ACTN1: variants seen among roughly 807,000 people sequenced by gnomAD.
ACTN1 encodes the protein alpha-actinin-1.
A neutral mutation model predicts 119.6 loss-of-function variants in ACTN1; 30 were observed. The ratio of observed to expected loss-of-function variants is 0.25; its 90% confidence interval spans 0.19 to 0.34. ACTN1 has a LOEUF of 0.34. Ranked by LOEUF, ACTN1 falls within the 10% of genes least tolerant of loss-of-function variation. ACTN1 has a pLI of 1.00. For synonymous variants in ACTN1, 429 were observed against 472.6 expected, an observed-to-expected ratio of 0.91 and a Z score of 1.20; for missense variants, 764 against 1,223.4, an observed-to-expected ratio of 0.62 and a Z score of 5.60.
intron 3 of ACTN1, among the ~76,000 whole-genome samples, chr14:68,917,497 C>T (rs2034367082): frequency 6.6e-6 from 1 of 152,230 alleles, no homozygotes; most frequent in Non-Finnish European, 1.5e-5. Flanking sequence ...GGACAACCTG[C>T]AACGTTCCCC....
intron 1 of ACTN1, among the ~76,000 whole-genome samples, chr14:68,977,103 C>A (rs555212769): frequency 6.6e-6 from 1 of 152,322 alleles, no homozygotes; most frequent in South Asian, 2.1e-4. Context: ...CTGCCCCTCC[C>A]AGGCACAAAG....
rs1411817101 is a variant in ACTN1 at position 68,882,851 on chromosome 14, C to T, written c.1818+22G>A. 5.0e-6 allele frequency: 8 copies of T among 1,608,830 alleles called. No homozygotes were observed. The highest frequency in any genetic ancestry group is 1.7e-4 in the Middle Eastern group (1 of 6,048). On this transcript the variant is annotated intron_variant, in intron 15 of 21. Coordinates refer to ENST00000394419, the MANE Select transcript of ACTN1 (RefSeq NM_001130004.2). This position sits in a 1 kb window ranked among gnomAD's most constrained non-coding sequence, Gnocchi z 4.5. ...TGCCTTTATGAAACTTACAATGGCT[C>T]GGCCCATGCCCTTCAACTCACGTGG...
chr14:68,885,774 TCTC>T lies in ACTN1; in HGVS notation c.1235-202_1235-200del, dbSNP rs2031951690. Reference sequence around the variant, plus strand: ...CAACCGGCGCAACGGGGAAAAGCACTCTCCTCAGAGCACTTCCAAGGCCATGAA... The same window carrying T: ...CAACCGGCGCAACGGGGAAAAGCACTCTCAGAGCACTTCCAAGGCCATGAA... On this transcript the variant is annotated intron_variant, in intron 11 of 21. Transcript: ENST00000394419. The surrounding 1 kb of genome is among the most constrained non-coding windows in gnomAD (Gnocchi z 5.6). The T allele has an allele frequency of 1.6e-6, 1 of 617,628 alleles. No individual in the cohort carries two copies. Among genetic ancestry groups the T allele is most frequent in the African/African-American group, 1.8e-5 (1 of 54,234 alleles). The allele number at this position is 617,628 out of a possible 1,614,324, so 38.3% of individuals were successfully genotyped here. A position where few individuals can be genotyped will look rare whatever the true frequency, so the allele number is the denominator to read the frequency against.
At chr14:68,963,504 AG>A (rs377303453) in intron 1 of ACTN1, among the ~76,000 whole-genome samples, 31 of 152,368 alleles carry the variant, frequency 2.0e-4, no homozygotes, top group East Asian at 1.5e-3. Flanking sequence ...TAGATGAACT[AG>A]GGCTGGCTGC....
Position 68,882,668 on chromosome 14 carries a change from C to A in ACTN1, c.1819-76G>T. ...ATGTGCCAGATGAGGAAATGGAGGACCCAGAAGGGGAAGGGCCGGTCAGTA... is the reference window on the plus strand; with the variant it reads ...ATGTGCCAGATGAGGAAATGGAGGAACCAGAAGGGGAAGGGCCGGTCAGTA... On this transcript the variant is annotated intron_variant, in intron 15 of 21. Transcript: ENST00000394419. The surrounding 1 kb of genome is among the most constrained non-coding windows in gnomAD (Gnocchi z 4.5). The A allele has an allele frequency of 1.3e-6, 2 of 1,593,454 alleles. No individual in the cohort carries two copies. The highest frequency in any genetic ancestry group is 2.2e-5 in the South Asian group (2 of 89,240).
chr14:68,915,534 T>A (rs527910613), intron 3 of ACTN1, among the ~76,000 whole-genome samples: 1 of 152,102 alleles, frequency 6.6e-6, no homozygotes, highest in East Asian at 1.9e-4. Context: ...CTGCTTAGAG[T>A]TCAGTATGAA....
At position 68,880,994 on chromosome 14, in the gene ACTN1, T is replaced by C; in HGVS notation, c.1954-5A>G. The C allele has an allele frequency of 4.3e-6, 7 of 1,613,814 alleles. No homozygotes were observed. Among genetic ancestry groups the C allele is most frequent in the African/African-American group, 1.3e-5 (1 of 75,016 alleles). On this transcript the variant is annotated splice_region_variant and splice_polypyrimidine_tract_variant and intron_variant, in intron 16 of 21. Coordinates refer to ENST00000394419, the MANE Select transcript of ACTN1 (RefSeq NM_001130004.2). The surrounding 1 kb of genome is among the most constrained non-coding windows in gnomAD (Gnocchi z 4.6). ...AATGGAGATCCTCCCGATCTCCTGC[T>C]CACCGGGAAGGAAGCACCTTGTCAG...
intron 1 of ACTN1, among the ~76,000 whole-genome samples, chr14:68,959,604 C>T (rs753827638): frequency 5.3e-5 from 8 of 151,998 alleles, no homozygotes; most frequent in African/African-American, 1.5e-4. Flanking sequence ...TTAGGCTAGG[C>T]GAAATAAGCA....
At chr14:68,970,646 G>A (rs2036853766) in intron 1 of ACTN1, among the ~76,000 whole-genome samples, 1 of 152,224 alleles carries the variant, frequency 6.6e-6, no homozygotes, top group Non-Finnish European at 1.5e-5. Context: ...GCTGGGGTCA[G>A]CACCAGAAGA....
intron 8 of ACTN1, among the ~76,000 whole-genome samples, chr14:68,897,947 C>G (rs2032997261): frequency 6.6e-6 from 1 of 152,266 alleles, no homozygotes; most frequent in Non-Finnish European, 1.5e-5. Flanking sequence ...TGGTCACCTC[C>G]CTCCACAACA....
intron 1 of ACTN1, among the ~76,000 whole-genome samples, chr14:68,966,765 G>A (rs1468907254): frequency 6.6e-5 from 10 of 152,062 alleles, no homozygotes; most frequent in Non-Finnish European, 1.5e-5. Flanking sequence ...CTCAGCAGAG[G>A]GACTGGAAGG....
At chr14:68,889,710 C>T (rs560271337) in intron 11 of ACTN1, among the ~76,000 whole-genome samples, 7 of 152,258 alleles carry the variant, frequency 4.6e-5, no homozygotes, top group South Asian at 2.1e-4. Context: ...CTTGAACCCA[C>T]GAAGTGGAGG....
chr14:68,963,120 C>G (rs538998849), intron 1 of ACTN1, among the ~76,000 whole-genome samples: 1 of 152,182 alleles, frequency 6.6e-6, no homozygotes, highest in South Asian at 2.1e-4. Flanking sequence ...CCCCTTGACC[C>G]TGCCCCCGCA....
At chr14:68,911,956 T>G (rs1464390696) in intron 4 of ACTN1, among the ~76,000 whole-genome samples, 200 bp downstream of exon 4, 6 of 152,206 alleles carry the variant, frequency 3.9e-5, no homozygotes, top group African/African-American at 1.4e-4. Flanking sequence ...GAGGCCAACA[T>G]GCCTATGAGA....
intron 1 of ACTN1, among the ~76,000 whole-genome samples, chr14:68,969,798 T>C (rs535377258): frequency 5.2e-4 from 79 of 152,132 alleles, no homozygotes; most frequent in Admixed American, 1.4e-3. Context: ...GCGTTGGACA[T>C]CTCCACATCA....
Position 68,882,925 on chromosome 14 carries a change from G to A in ACTN1, c.1766C>T (p.Thr589Ile). The stretch of plus-strand genomic sequence containing the variant: ...AGGCGTGATGGTTGTGTAGGGGTTG[G>A]TGCCCGCCATATTGACGTGGTAGGT... ...VQTYHVNMAG[T>I]NPYTTITPQE... Residue 589 changes from threonine (T) to isoleucine (I), a missense_variant, in exon 15 of 22, where the codon ACC becomes ATC. Around this residue, in one of 4 missense-constraint regions of ACTN1, gnomAD observed 544 missense variants for 912.0 expected, o/e 0.60. Coordinates refer to ENST00000394419, the MANE Select transcript of ACTN1 (RefSeq NM_001130004.2). This position sits in a 1 kb window ranked among gnomAD's most constrained non-coding sequence, Gnocchi z 4.5. 1 of 1,614,100 alleles carries A rather than the reference G, an allele frequency of 6.2e-7. No homozygotes were observed. Among genetic ancestry groups the A allele is most frequent in the Non-Finnish European group, 8.5e-7 (1 of 1,180,024 alleles).
At chr14:68,899,733 C>T (rs930929487) in intron 8 of ACTN1, among the ~76,000 whole-genome samples, 2 of 152,176 alleles carry the variant, frequency 1.3e-5, no homozygotes, top group African/African-American at 4.8e-5. Flanking sequence ...AAGGCCAGCA[C>T]CAATGGGCAT....
chr14:68,966,974 G>GA (rs921914834), intron 1 of ACTN1, among the ~76,000 whole-genome samples: 34 of 152,316 alleles, frequency 2.2e-4, no homozygotes, highest in African/African-American at 7.9e-4. Flanking sequence ...GTTAGCCAAA[G>GA]AAAAAACGCA....
chr14:68,892,620 T>C (rs575908504), intron 9 of ACTN1, among the ~76,000 whole-genome samples: 2 of 152,298 alleles, frequency 1.3e-5, no homozygotes, highest in African/African-American at 4.8e-5. Context: ...AGTACCAGGT[T>C]CTAACTGGCT....
Sources: allele counts gnomAD v4.1 joint callset (sites outside exome capture counted in the v4.1 genomes callset), GRCh38; gene constraint gnomAD v4.1.1; regional missense constraint gnomAD v4.1.1; non-coding constraint Gnocchi (gnomAD v3.1); transcripts MANE v1.5; gene names NCBI Gene and HGNC (gene_info 2026-07-23, HGNC 2026-07-21).